The following DMD variants were observed in gnomAD, a reference collection of about 807,000 sequenced individuals.
DMD encodes the protein mutant dystrophin.
A neutral mutation model predicts 330.1 loss-of-function variants in DMD; 63 were observed. The ratio of observed to expected loss-of-function variants is 0.19; its 90% CI spans 0.16 to 0.24. The LOEUF is 0.24. DMD is among the 10% of genes least tolerant of loss of function. DMD has a pLI of 1.00. For missense variants in DMD, 3,344 were observed against 2,684.1 expected, an observed-to-expected ratio of 1.25 and a Z score of -5.43; for synonymous variants, 1,223 against 959.8, an observed-to-expected ratio of 1.27 and a Z score of -5.07.
chrX:32,541,927 G>A (rs1487064589), intron 17 of DMD, among the ~76,000 whole-genome samples: 1 of 111,840 alleles, frequency 8.9e-6, no homozygotes, highest in Non-Finnish European at 1.9e-5. Context: ...ACTAAAATAT[G>A]TGTGCAATGT....
intron 13 of DMD, among the ~76,000 whole-genome samples, chrX:32,592,048 G>C (rs1446820779): frequency 8.9e-6 from 1 of 112,133 alleles, no homozygotes. Context: ...GCTGAGTGGG[G>C]ACTGAGGATG....
chrX:32,537,073 G>A (rs747123867), intron 17 of DMD, among the ~76,000 whole-genome samples: 31 of 111,866 alleles, frequency 2.8e-4, no homozygotes, highest in Non-Finnish European at 5.1e-4. Flanking sequence ...ATTTAGTGAT[G>A]TGGCAGATAT....
intron 1 of DMD, among the ~76,000 whole-genome samples, chrX:33,139,173 C>G (rs1342135561): frequency 9.0e-6 from 1 of 111,029 alleles, no homozygotes; most frequent in Non-Finnish European, 1.9e-5. Context: ...GGTGGCGCAA[C>G]TGTAGTCCTA....
At chrX:31,631,155 C>T (rs1033126254) in intron 54 of DMD, among the ~76,000 whole-genome samples, 1 of 111,085 alleles carries the variant, frequency 9.0e-6, no homozygotes, top group Non-Finnish European at 1.9e-5. Context: ...GGGTAAAATC[C>T]GGCAAGCTGT....
At chrX:32,854,913 T>C (rs1194045140) in intron 2 of DMD, among the ~76,000 whole-genome samples, 2 of 111,758 alleles carry the variant, frequency 1.8e-5, no homozygotes, top group African/African-American at 6.5e-5. Context: ...TGACAAATAC[T>C]GATACAAAAA....
intron 55 of DMD, among the ~76,000 whole-genome samples, chrX:31,608,833 C>A (rs2077744668): frequency 9.0e-6 from 1 of 111,364 alleles, no homozygotes; most frequent in African/African-American, 3.3e-5. Context: ...ATGGCCAACC[C>A]CTAAGACTAG....
chrX:31,817,666 A>G (rs1704155994), intron 50 of DMD, among the ~76,000 whole-genome samples: 1 of 111,163 alleles, frequency 9.0e-6, no homozygotes, highest in South Asian at 3.8e-4. Flanking sequence ...GACTCTCCAT[A>G]CTGGCAGCAA....
intron 13 of DMD, among the ~76,000 whole-genome samples, chrX:32,590,607 TC>T (rs1380861301): frequency 3.6e-5 from 4 of 111,743 alleles, no homozygotes; most frequent in Admixed American, 9.5e-5. Flanking sequence ...CTCACTCTCT[TC>T]CTGTGCCCTG....
intron 43 of DMD, among the ~76,000 whole-genome samples, chrX:32,279,997 T>A (rs1280641138): frequency 1.5e-5 from 1 of 64,939 alleles, no homozygotes; most frequent in Admixed American, 2.0e-4. Flanking sequence ...TATATATATA[T>A]GTACCCCACA....
At position 32,464,656 on chromosome X, in the gene DMD, A is replaced by G; in HGVS notation, c.3206T>C (p.Val1069Ala). The stretch of plus-strand genomic sequence containing the variant: ...GGCAGGCCATTCCTCCTTCAGAAAA[A>G]CATCAACTTCAGCCATCCATTTCTT... ...TLKKWMAEVD[V>A]FLKEEWPALG... Residue 1069 changes from valine (V) to alanine (A), a missense_variant, in exon 24 of 79, where the codon GTT becomes GCT. By Grantham distance (64) the Val-to-Ala change is moderately conservative. Transcript: ENST00000357033. The G allele has an allele frequency of 8.3e-7, 1 of 1,210,597 alleles. No homozygotes were observed. The highest frequency in any genetic ancestry group is 1.8e-5 in the South Asian group (1 of 56,965).
chrX:31,735,043 C>T (rs1480909786), intron 51 of DMD, among the ~76,000 whole-genome samples: 3 of 111,413 alleles, frequency 2.7e-5, no homozygotes, highest in African/African-American at 9.8e-5. Flanking sequence ...CCAAGCTTCT[C>T]ACAGACTTCT....
At chrX:32,661,176 G>A (rs1482630356) in intron 9 of DMD, among the ~76,000 whole-genome samples, 3 of 111,341 alleles carry the variant, frequency 2.7e-5, no homozygotes, top group Non-Finnish European at 3.8e-5. Flanking sequence ...CCAGTTCATC[G>A]TGTGTATCTC....
At chrX:32,608,927 A>G (rs2056946515) in intron 12 of DMD, among the ~76,000 whole-genome samples, 1 of 111,046 alleles carries the variant, frequency 9.0e-6, no homozygotes. Flanking sequence ...ACCTTGCTAA[A>G]TATGAGAGTG....
At chrX:31,408,166 T>C (rs2061487098) in intron 60 of DMD, among the ~76,000 whole-genome samples, 1 of 111,656 alleles carries the variant, frequency 9.0e-6, no homozygotes, top group Non-Finnish European at 1.9e-5. Flanking sequence ...GGACCCCTGT[T>C]AGCAATGACA....
intron 1 of DMD, among the ~76,000 whole-genome samples, chrX:33,169,414 ATT>A (rs2049225611): frequency 9.0e-6 from 1 of 111,545 alleles, no homozygotes; most frequent in Non-Finnish European, 1.9e-5. Context: ...GTCTAAACTG[ATT>A]TCAAGTGTTT....
intron 60 of DMD, among the ~76,000 whole-genome samples, chrX:31,407,572 C>T (rs1242263473): frequency 6.0e-4 from 64 of 106,034 alleles, no homozygotes; most frequent in Admixed American, 9.2e-4. Flanking sequence ...CCCGGGTTCA[C>T]GCCATTCTCC....
At chrX:31,985,299 T>C (rs935185715) in intron 44 of DMD, among the ~76,000 whole-genome samples, 1 of 112,288 alleles carries the variant, frequency 8.9e-6, no homozygotes, top group African/African-American at 3.2e-5. Context: ...TCTTTGTATA[T>C]AGCAACAGTA....
chrX:33,267,689 T>C (rs1473070832), intron 1 of DMD, among the ~76,000 whole-genome samples: 1 of 111,292 alleles, frequency 9.0e-6, no homozygotes, highest in Non-Finnish European at 1.9e-5. Context: ...TACAGCATAA[T>C]ATTGGTACAG....
intron 48 of DMD, among the ~76,000 whole-genome samples, chrX:31,873,291 T>C (rs1182524536): frequency 9.0e-6 from 1 of 111,677 alleles, no homozygotes. Context: ...ATCAGAATGG[T>C]AGACATAAGT....
Sources: allele counts gnomAD v4.1 joint callset (sites outside exome capture counted in the v4.1 genomes callset), GRCh38; gene constraint gnomAD v4.1.1; transcripts MANE v1.5; gene names NCBI Gene and HGNC (gene_info 2026-07-23, HGNC 2026-07-21).